Variants in GLI2 observed in about 807,000 individuals in gnomAD.
GLI2 encodes the protein GLI family zinc finger 2, also known as transcription activator GLI2.
Under a neutral mutation model 78.9 loss-of-function variants are expected in GLI2, and 22 were observed. The ratio of observed to expected loss-of-function variants is 0.28; its 90% CI spans 0.20 to 0.40. The LOEUF (loss-of-function observed/expected upper bound fraction) is 0.40, where lower values mean the gene tolerates loss of function less well. Ranked by LOEUF, GLI2 falls within the 10% of genes least tolerant of loss-of-function variation. GLI2 has a pLI of 1.00. For synonymous variants in GLI2, 974 were observed against 963.7 expected, an observed-to-expected ratio of 1.01 and a Z score of -0.20; for missense variants, 2,097 against 2,213.2, an observed-to-expected ratio of 0.95 and a Z score of 1.05.
At chr2:120,916,736 T>G (rs538322584) in intron 2 of GLI2, among the ~76,000 whole-genome samples, 1 of 152,356 alleles carries the variant, frequency 6.6e-6, no homozygotes, top group Non-Finnish European at 1.5e-5. Flanking sequence ...CAACTGTGGA[T>G]GGAGAACTCT....
At chr2:120,976,510 G>A (rs995043765) in intron 9 of GLI2, among the ~76,000 whole-genome samples, 1 of 152,214 alleles carries the variant, frequency 6.6e-6, no homozygotes, top group Non-Finnish European at 1.5e-5. Flanking sequence ...AGCCCTAGAT[G>A]GAGCAGGGAC....
intron 2 of GLI2, among the ~76,000 whole-genome samples, chr2:120,924,116 T>C (rs1246270665): frequency 6.6e-6 from 1 of 152,136 alleles, no homozygotes; most frequent in Non-Finnish European, 1.5e-5. Context: ...AGACCATGAA[T>C]GGTAGGCACA....
At chr2:120,968,020 G>A (rs1395471475) in intron 5 of GLI2, among the ~76,000 whole-genome samples, 2 of 152,180 alleles carry the variant, frequency 1.3e-5, no homozygotes, top group African/African-American at 2.4e-5. Flanking sequence ...CAGGTACAAC[G>A]TGACCTGTGA....
intron 2 of GLI2, among the ~76,000 whole-genome samples, chr2:120,906,577 G>T (rs542295776): frequency 1.3e-5 from 2 of 152,056 alleles, no homozygotes; most frequent in Admixed American, 6.5e-5. Flanking sequence ...CTCCTTCAAG[G>T]TCGCAGCCAC....
Position 120,955,317 on chromosome 2 carries a change from A to G in GLI2, c.530A>G (p.Tyr177Cys). Reference sequence around the variant, plus strand: ...CCAGGCACCACCCCCTCAGACTATTACCACCAGATGACCCTCGTGGCAGGC... The same window carrying G: ...CCAGGCACCACCCCCTCAGACTATTGCCACCAGATGACCCTCGTGGCAGGC... ...PAPGTTPSDY[Y>C]HQMTLVAGHP... is the part of the protein sequence containing the mutation. Residue 177 changes from tyrosine (Y) to cysteine (C), a missense_variant, in exon 5 of 14, where the codon TAC becomes TGC. This residue lies in a region of GLI2 where 578 missense variants were observed against 612.0 expected (regional missense o/e 0.94). Transcript: ENST00000361492. 1 of 1,612,338 alleles carries G rather than the reference A, an allele frequency of 6.2e-7. No homozygotes were observed. The highest frequency in any genetic ancestry group is 8.5e-7 in the Non-Finnish European group (1 of 1,178,760).
intron 2 of GLI2, among the ~76,000 whole-genome samples, chr2:120,845,373 G>A (rs1432841249): frequency 6.6e-6 from 1 of 152,200 alleles, no homozygotes; most frequent in East Asian, 1.9e-4. Context: ...TTGTTCCAAG[G>A]GAAGACATGC....
At chr2:120,876,830 T>G (rs1019097270) in intron 2 of GLI2, among the ~76,000 whole-genome samples, 1 of 152,244 alleles carries the variant, frequency 6.6e-6, no homozygotes, top group African/African-American at 2.4e-5. Context: ...AAAAGGCAGA[T>G]GCACTTGCAG....
chr2:120,923,533 GCA>G (rs1262159588), intron 2 of GLI2, among the ~76,000 whole-genome samples: 1 of 150,584 alleles, frequency 6.6e-6, no homozygotes, highest in Non-Finnish European at 1.5e-5. Flanking sequence ...CCATGCATAT[GCA>G]CACAGCAACA....
At chr2:120,877,995 A>G (rs1186702564) in intron 2 of GLI2, among the ~76,000 whole-genome samples, 1 of 152,250 alleles carries the variant, frequency 6.6e-6, no homozygotes, top group Non-Finnish European at 1.5e-5. Flanking sequence ...GGAATTTGCT[A>G]TTAAAAGATT....
At chr2:120,855,252 C>T (rs78135193) in intron 2 of GLI2, among the ~76,000 whole-genome samples, 291 of 152,316 alleles carry the variant, frequency 1.9e-3, no homozygotes, top group East Asian at 3.5e-3. Flanking sequence ...GAGGGCTTTC[C>T]GGCTGCACGC....
intron 2 of GLI2, among the ~76,000 whole-genome samples, chr2:120,901,158 C>T (rs569235553): frequency 6.6e-6 from 1 of 152,344 alleles, no homozygotes; most frequent in African/African-American, 2.4e-5. Context: ...TGGCAAACCC[C>T]TGCCATCCGT....
intron 3 of GLI2, among the ~76,000 whole-genome samples, chr2:120,939,111 G>A (rs112158520): frequency 2.0e-5 from 3 of 152,102 alleles, no homozygotes; most frequent in Admixed American, 6.5e-5. Flanking sequence ...GCGAAACCCC[G>A]TCTCTACTAA....
chr2:120,990,028 C>G lies in GLI2; in HGVS notation c.4063C>G (p.Arg1355Gly), dbSNP rs745816777. ...ATAGFGLVQP[R>G]PPLEPSPTGR... ...AGCAGGCTTTGGCCTAGTGCAGCCC[C>G]GGCCTCCCCTCGAGCCCAGCCCCAC... The change falls in exon 14 of 14, where the codon CGG becomes GGG. Residue 1355 changes from arginine (R) to glycine (G), a missense_variant. This residue lies in a region of GLI2 where 1,290 missense variants were observed against 1,261.7 expected (regional missense o/e 1.02). Coordinates refer to ENST00000361492, the MANE Select transcript of GLI2 (RefSeq NM_001374353.1). The G allele has an allele frequency of 3.1e-6, 5 of 1,606,212 alleles. 1 individual carries two copies. In the South Asian group the frequency reaches 4.4e-5, roughly 14 times the overall value.
chr2:120,915,299 TG>T (rs1679037390), intron 2 of GLI2, among the ~76,000 whole-genome samples: 2 of 152,226 alleles, frequency 1.3e-5, no homozygotes, highest in Non-Finnish European at 2.9e-5. Context: ...ATTGCGTGAG[TG>T]GCCTGGGCCT....
In GLI2 at chr2:120,992,583, G is replaced by C. The variant is rs1683329774; in HGVS notation, c.*1908G>C. On this transcript the variant is annotated 3_prime_UTR_variant, in exon 14 of 14. Coordinates refer to ENST00000361492, the MANE Select transcript of GLI2 (RefSeq NM_001374353.1). ...TTTGGTGCATTCGAGCAGAAATTAG[G>C]CTGTATTTTTTCTTAACAGTGTCAA... The C allele has an allele frequency of 6.6e-6, 1 of 152,160 alleles. No individual in the cohort carries two copies. Among genetic ancestry groups the C allele is most frequent in the Admixed American group, 6.5e-5 (1 of 15,288 alleles). The allele number at this position is 152,160 out of a possible 1,614,324, so 9.4% of individuals were successfully genotyped here. A position where few individuals can be genotyped will look rare whatever the true frequency, so the allele number is the denominator to read the frequency against.
intron 13 of GLI2, among the ~76,000 whole-genome samples, chr2:120,987,067 G>T (rs530743632): frequency 6.6e-6 from 1 of 152,342 alleles, no homozygotes; most frequent in South Asian, 2.1e-4. Flanking sequence ...CAGAGCTTAG[G>T]GTAGAGCTGT....
At chr2:120,775,798 G>A (rs1014133035) in intron 1 of GLI2, among the ~76,000 whole-genome samples, 4 of 152,210 alleles carry the variant, frequency 2.6e-5, no homozygotes, top group Non-Finnish European at 5.9e-5. Context: ...GGGAAGGGGA[G>A]TGTTCCCCTG....
At position 120,988,812 on chromosome 2, in the gene GLI2, C is replaced by T. The variant is rs1485584634; in HGVS notation, c.2847C>T (p.Ala949=). The change falls in exon 14 of 14, where the codon GCC becomes GCT. Residue 949 remains alanine (A), a synonymous_variant. Transcript: ENST00000361492. ...CCCACGAGGCTCCAGGCGGCGGAGC[C>T]AGGCGGGCCAGCGACCCTGTGCGGC... ...AFPHEAPGGG[A]RRASDPVRRP... 5.6e-6 allele frequency: 8 copies of T among 1,417,730 alleles called. No homozygotes were observed. The highest frequency in any genetic ancestry group is 7.4e-6 in the Non-Finnish European group (8 of 1,086,000). The allele number at this position is 1,417,730 out of a possible 1,614,324, so 87.8% of individuals were successfully genotyped here. A position where few individuals can be genotyped will look rare whatever the true frequency, so the allele number is the denominator to read the frequency against.
intron 3 of GLI2, among the ~76,000 whole-genome samples, chr2:120,930,421 A>G (rs549573292): frequency 6.6e-6 from 1 of 152,322 alleles, no homozygotes; most frequent in Admixed American, 6.5e-5. Context: ...CCCACTTTGC[A>G]AGTTAGAAAT....
Sources: gnomAD v4.1 joint callset for allele counts (sites outside exome capture counted in the v4.1 genomes callset) on GRCh38, gnomAD v4.1.1 for gene constraint, gnomAD v4.1.1 regional missense constraint, MANE v1.5 for transcripts, NCBI Gene and HGNC (gene_info 2026-07-23, HGNC 2026-07-21) for gene names.